CMIP: variants seen among roughly 807,000 people sequenced by gnomAD.
CMIP encodes C-Maf-inducing protein.
Under a neutral mutation model 97.3 loss-of-function variants are expected in CMIP, and 13 were observed. The observed-to-expected ratio is 0.13, with a 90% CI of 0.09 to 0.21. The LOEUF (loss-of-function observed/expected upper bound fraction) is 0.21. Ranked by LOEUF, CMIP falls within the 10% of genes least tolerant of loss-of-function variation. The probability of loss-of-function intolerance (pLI) is 1.00; values close to 1 mark genes in which losing one functional copy is unlikely to be tolerated. For missense variants in CMIP, 847 were observed against 1,024.9 expected (o/e 0.83, Z 2.37); for synonymous variants, 538 against 436.3 (o/e 1.23, Z -2.91).
chr16:81,654,643 G>A (rs2092463673), intron 4 of CMIP, among the ~76,000 whole-genome samples: 1 of 152,212 alleles, frequency 6.6e-6, no homozygotes, highest in African/African-American at 2.4e-5. Context: ...TGGTCAGTTT[G>A]ATGGCCCTTA....
intron 1 of CMIP, among the ~76,000 whole-genome samples, chr16:81,561,530 A>G (rs2150873278): frequency 6.6e-6 from 1 of 152,212 alleles, no homozygotes; most frequent in African/African-American, 2.4e-5. Flanking sequence ...AGTGGGGGCT[A>G]CTATAGAGTG....
At chr16:81,465,957 C>G (rs1907179062) in intron 1 of CMIP, among the ~76,000 whole-genome samples, 1 of 152,242 alleles carries the variant, frequency 6.6e-6, no homozygotes, top group Non-Finnish European at 1.5e-5. Flanking sequence ...AGAGAAGAAG[C>G]TGGTAATTTC....
chr16:81,532,845 C>T (rs1037466688), intron 1 of CMIP, among the ~76,000 whole-genome samples: 4 of 152,268 alleles, frequency 2.6e-5, no homozygotes, highest in South Asian at 2.1e-4. Context: ...TTGCCTCCTG[C>T]GCCTCTCTGC....
At chr16:81,611,438 A>G (rs2091830392) in intron 2 of CMIP, 1 of 152,432 alleles carries the variant, frequency 6.6e-6, no homozygotes, top group Admixed American at 6.5e-5. Context: ...CGGGGCCCAA[A>G]GAGGGCTAGT....
intron 7 of CMIP, among the ~76,000 whole-genome samples, chr16:81,669,479 A>C (rs1363889869): frequency 2.2e-4 from 13 of 60,180 alleles, no homozygotes; most frequent in Admixed American, 4.1e-4. Flanking sequence ...TTCCACACCC[A>C]CCTCTCTCAC....
rs566582968 is a variant in CMIP at position 81,681,479 on chromosome 16, C to T, written c.1388+2851C>T. Among the ~76,000 whole-genome samples the T allele has an allele frequency of 7.9e-5, 12 of 152,272 alleles. No individual in the cohort carries two copies. In the South Asian group the frequency reaches 1.7e-3, roughly 21 times the overall value. On this transcript the variant is annotated intron_variant, in intron 10 of 20. Coordinates refer to ENST00000537098, the MANE Select transcript of CMIP (RefSeq NM_198390.3). ...CCTCCGGTCCCAGGCTGGGAGGTGG[C>T]GCAAGTATGGCTGCATCTGGCATTG... is the stretch of plus-strand genomic sequence containing the variant.
chr16:81,500,192 G>T (rs761041257), intron 1 of CMIP, among the ~76,000 whole-genome samples: 15 of 152,052 alleles, frequency 9.9e-5, no homozygotes, highest in Non-Finnish European at 1.9e-4. Context: ...GACGCCATGG[G>T]CTGTGGCTTA....
At chr16:81,704,948 G>A (rs1239791572) in intron 18 of CMIP, among the ~76,000 whole-genome samples, 1 of 151,712 alleles carries the variant, frequency 6.6e-6, no homozygotes, top group Admixed American at 6.6e-5. Flanking sequence ...GGCCTGCGGG[G>A]GGCTGCGCAG....
intron 3 of CMIP, among the ~76,000 whole-genome samples, chr16:81,650,319 C>G (rs2092413047): frequency 6.6e-6 from 1 of 152,130 alleles, no homozygotes; most frequent in Admixed American, 6.5e-5. Flanking sequence ...TGATCTCTTT[C>G]TAATTCTTGA....
At chr16:81,611,306 C>T (rs1175322485) in intron 2 of CMIP, 1 of 152,254 alleles carries the variant, frequency 6.6e-6, no homozygotes, top group Admixed American at 6.5e-5. Flanking sequence ...TGAGCCCCTC[C>T]TGGGGCGAAT....
At chr16:81,606,642 T>C (rs1345282243) in intron 1 of CMIP, among the ~76,000 whole-genome samples, 1 of 152,156 alleles carries the variant, frequency 6.6e-6, no homozygotes, top group Non-Finnish European at 1.5e-5. Flanking sequence ...AGCCAGGCAC[T>C]GGGGAAAGAG....
intron 19 of CMIP, 95 bp downstream of exon 19, chr16:81,705,699 GCA>G: frequency 1.3e-6 from 1 of 741,526 alleles, no homozygotes; most frequent in Non-Finnish European, 2.2e-6. Flanking sequence ...TTTGCACCAT[GCA>G]CAGATAGAGA....
At chr16:81,558,714 G>A (rs1432902230) in intron 1 of CMIP, among the ~76,000 whole-genome samples, 2 of 152,120 alleles carry the variant, frequency 1.3e-5, no homozygotes, top group African/African-American at 2.4e-5. Flanking sequence ...ACACAGCTGC[G>A]GCAGCTGTGA....
intron 1 of CMIP, among the ~76,000 whole-genome samples, chr16:81,558,826 C>T (rs946918792): frequency 6.6e-6 from 1 of 152,228 alleles, no homozygotes; most frequent in African/African-American, 2.4e-5. Context: ...TGGCTGCGCA[C>T]AGTAGGCCCA....
chr16:81,463,114 C>T (rs1373109099), intron 1 of CMIP, among the ~76,000 whole-genome samples: 4 of 152,086 alleles, frequency 2.6e-5, no homozygotes, highest in Non-Finnish European at 5.9e-5. Flanking sequence ...GTCTAATGGG[C>T]TCCTTCCTTC....
At chr16:81,538,761 C>G (rs534134634) in intron 1 of CMIP, among the ~76,000 whole-genome samples, 1 of 152,154 alleles carries the variant, frequency 6.6e-6, no homozygotes, top group South Asian at 2.1e-4. Flanking sequence ...TTCAAAATAG[C>G]ACGTGATATT....
At chr16:81,640,189 AG>A (rs2092286618) in intron 3 of CMIP, among the ~76,000 whole-genome samples, 2 of 152,054 alleles carry the variant, frequency 1.3e-5, no homozygotes, top group South Asian at 2.1e-4. Flanking sequence ...GGGCAGGGCC[AG>A]GGCTTATGCA....
intron 1 of CMIP, among the ~76,000 whole-genome samples, chr16:81,487,740 A>G (rs963180436): frequency 3.3e-5 from 5 of 152,222 alleles, no homozygotes; most frequent in Non-Finnish European, 7.3e-5. Flanking sequence ...TGTGAGGATT[A>G]AAGGAAAAAA....
chr16:81,463,620 A>C (rs1436046605), intron 1 of CMIP, among the ~76,000 whole-genome samples: 1 of 152,164 alleles, frequency 6.6e-6, no homozygotes, highest in Admixed American at 6.5e-5. Flanking sequence ...GGACCGGGTG[A>C]AATAATGGAA....
Sources: gnomAD v4.1 joint callset for allele counts (sites outside exome capture counted in the v4.1 genomes callset) on GRCh38, gnomAD v4.1.1 for gene constraint, MANE v1.5 for transcripts, NCBI Gene and HGNC (gene_info 2026-07-23, HGNC 2026-07-21) for gene names.